Variants in MBOAT2 observed in about 807,000 individuals in gnomAD.
MBOAT2 encodes membrane-bound glycerophospholipid O-acyltransferase 2.
A neutral mutation model predicts 63.4 loss-of-function variants in MBOAT2; 28 were observed. That is an observed-to-expected ratio of 0.44 (90% CI 0.33 to 0.61). MBOAT2 has a LOEUF of 0.61. Among genes scored for constraint, MBOAT2 ranks in the 20% least tolerant of loss-of-function variants. The pLI is 0.03. For missense variants in MBOAT2, 470 were observed against 605.8 expected, an observed-to-expected ratio of 0.78 and a Z score of 2.35; for synonymous variants, 211 against 215.6, an observed-to-expected ratio of 0.98 and a Z score of 0.19.
At chr2:8,899,833 C>T (rs564778089) in intron 4 of MBOAT2, among the ~76,000 whole-genome samples, 7 of 152,312 alleles carry the variant, frequency 4.6e-5, no homozygotes, top group African/African-American at 1.7e-4. Context: ...CTCGCTTTTC[C>T]TTTTGGGCCT....
chr2:8,995,784 G>C (rs1672249580), intron 1 of MBOAT2, among the ~76,000 whole-genome samples: 3 of 151,934 alleles, frequency 2.0e-5, no homozygotes, highest in African/African-American at 7.3e-5. Flanking sequence ...GTAGAGACGG[G>C]GTTTCACCGT....
intron 4 of MBOAT2, among the ~76,000 whole-genome samples, chr2:8,899,550 A>G (rs1048526289): frequency 1.3e-5 from 2 of 152,216 alleles, no homozygotes; most frequent in Non-Finnish European, 2.9e-5. Flanking sequence ...GGGCACCCTC[A>G]GTCCTGTTGT....
intron 9 of MBOAT2, among the ~76,000 whole-genome samples, chr2:8,866,926 C>A (rs925558459): frequency 2.0e-5 from 3 of 152,212 alleles, no homozygotes; most frequent in African/African-American, 7.2e-5. Flanking sequence ...GCACTTACTG[C>A]CTGACTGCCC....
chr2:8,936,801 AAAAAGAAAAGAAAAAG>A (rs1289049634), intron 3 of MBOAT2, among the ~76,000 whole-genome samples: 1 of 149,312 alleles, frequency 6.7e-6, no homozygotes, highest in Non-Finnish European at 1.5e-5. Context: ...AAAAAAAAAA[AAAAAGAAAAGAAAAAG>A]AAAAGAAAAA....
chr2:8,887,658 T>C (rs911052173), intron 5 of MBOAT2, among the ~76,000 whole-genome samples: 1 of 151,824 alleles, frequency 6.6e-6, no homozygotes, highest in Admixed American at 6.6e-5. Context: ...GGAGAAGAGG[T>C]GGGGGAAGGC....
intron 3 of MBOAT2, among the ~76,000 whole-genome samples, chr2:8,917,495 T>A (rs1384426838): frequency 2.6e-5 from 4 of 152,168 alleles, no homozygotes; most frequent in African/African-American, 9.6e-5. Context: ...ATGTTTGACA[T>A]CATTAATCAT....
chr2:8,862,730 C>T lies in MBOAT2; in HGVS notation c.1053-8G>A. ...GTTCGTTCATAACACACCCTAGAAA[C>T]CATGAAAAACATGGAGAGCCAAGTG... is the stretch of plus-strand genomic sequence containing the variant. On this transcript the variant is annotated splice_polypyrimidine_tract_variant and splice_region_variant and intron_variant, in intron 10 of 12. Transcript: ENST00000305997. The surrounding 1 kb of genome is among the most constrained non-coding windows in gnomAD (Gnocchi z 4.3). 1.9e-6 allele frequency: 3 copies of T among 1,603,884 alleles called. No individual in the cohort carries two copies. The highest frequency in any genetic ancestry group is 2.5e-6 in the Non-Finnish European group (3 of 1,176,990).
Position 8,858,364 on chromosome 2 carries a change from C to T in MBOAT2, c.*315G>A. 4.3e-6 allele frequency: 1 copy of T among 233,876 alleles called. No individual in the cohort carries two copies. The highest frequency in any genetic ancestry group is 5.2e-5 in the Admixed American group (1 of 19,214). 14.5% of individuals were successfully genotyped at this position (233,876 alleles called of 1,614,324 possible). ...CAGATTGACACGATTATTTTTCCAC[C>T]TCTTCAGTGCCTTGGGATACGCAAC... On this transcript the variant is annotated 3_prime_UTR_variant, in exon 13 of 13. Coordinates refer to ENST00000305997, the MANE Select transcript of MBOAT2 (RefSeq NM_138799.4).
At chr2:8,900,836 T>C (rs1379445086) in intron 4 of MBOAT2, among the ~76,000 whole-genome samples, 4 of 152,182 alleles carry the variant, frequency 2.6e-5, no homozygotes, top group African/African-American at 4.8e-5. Flanking sequence ...AGTATTGTAA[T>C]TTGTACTTCC....
intron 4 of MBOAT2, among the ~76,000 whole-genome samples, chr2:8,894,840 GA>G (rs1664310717): frequency 6.6e-6 from 1 of 152,188 alleles, no homozygotes; most frequent in African/African-American, 2.4e-5. Context: ...CCTTCACGGT[GA>G]GTGTTACAGC....
chr2:8,914,895 CT>C (rs947449729), intron 3 of MBOAT2, among the ~76,000 whole-genome samples: 2 of 108,254 alleles, frequency 1.8e-5, no homozygotes, highest in African/African-American at 3.5e-5. Flanking sequence ...ACTTAATGTG[CT>C]TTTTTTTCAG....
intron 4 of MBOAT2, among the ~76,000 whole-genome samples, chr2:8,906,049 C>T (rs959588381): frequency 1.3e-5 from 2 of 152,192 alleles, no homozygotes; most frequent in African/African-American, 2.4e-5. Flanking sequence ...CCTCTGCCCC[C>T]AGGGCTCAAG....
chr2:8,927,679 G>C (rs1667026943), intron 3 of MBOAT2, among the ~76,000 whole-genome samples: 1 of 152,096 alleles, frequency 6.6e-6, no homozygotes, highest in Non-Finnish European at 1.5e-5. Context: ...GGAAGGGCAG[G>C]GCAGGAAGGC....
chr2:8,952,006 G>A (rs2103260567), intron 2 of MBOAT2, among the ~76,000 whole-genome samples: 1 of 152,228 alleles, frequency 6.6e-6, no homozygotes, highest in East Asian at 1.9e-4. Context: ...GTTCCTCTAG[G>A]TGTGATGTTA....
chr2:9,000,883 TATA>T (rs1037910345), intron 1 of MBOAT2, among the ~76,000 whole-genome samples: 6 of 152,262 alleles, frequency 3.9e-5, no homozygotes, highest in African/African-American at 1.4e-4. Context: ...TTAATTCTTT[TATA>T]ATAACAGCGT....
intron 4 of MBOAT2, 75 bp from the exon 5 acceptor site, chr2:8,888,148 GT>G: frequency 1.5e-6 from 2 of 1,352,084 alleles, no homozygotes; most frequent in Admixed American, 1.9e-5. Context: ...TGAGTTAAGA[GT>G]TTATTCTGCT....
intron 4 of MBOAT2, among the ~76,000 whole-genome samples, chr2:8,888,614 ATATCT>A (rs1663739368): frequency 6.6e-6 from 1 of 152,236 alleles, no homozygotes; most frequent in South Asian, 2.1e-4. Flanking sequence ...TTATTTTCCC[ATATCT>A]TATAATTACT....
chr2:8,911,619 G>C (rs549570206), intron 3 of MBOAT2, among the ~76,000 whole-genome samples: 2 of 152,108 alleles, frequency 1.3e-5, no homozygotes, highest in Non-Finnish European at 2.9e-5. Context: ...ATGAGAAGGT[G>C]AGTGAGTTCT....
chr2:8,938,620 G>A (rs1463765583), intron 3 of MBOAT2, among the ~76,000 whole-genome samples: 8 of 151,424 alleles, frequency 5.3e-5, no homozygotes, highest in East Asian at 3.9e-4. Context: ...ATGCTGCCAC[G>A]TTTCATGCCA....
Sources: gnomAD v4.1 joint callset for allele counts (sites outside exome capture counted in the v4.1 genomes callset) on GRCh38, gnomAD v4.1.1 for gene constraint, Gnocchi (gnomAD v3.1) non-coding constraint, MANE v1.5 for transcripts, NCBI Gene and HGNC (gene_info 2026-07-23, HGNC 2026-07-21) for gene names.